Variants in STARD9 observed in about 807,000 individuals in gnomAD.
STARD9 encodes the protein stAR-related lipid transfer protein 9.
In STARD9, 346 loss-of-function variants were observed where a neutral mutation model predicts 399.8. That is an observed-to-expected ratio of 0.87 (90% confidence interval 0.79 to 0.95). The LOEUF (loss-of-function observed/expected upper bound fraction) is 0.95. Among genes scored for constraint, STARD9 ranks in the 40% least tolerant of loss-of-function variants. The probability of loss-of-function intolerance (pLI) is 0.00; values close to 1 mark genes in which losing one functional copy is unlikely to be tolerated. For synonymous variants in STARD9, 2,203 were observed against 2,143.5 expected, an observed-to-expected ratio of 1.03 and a Z score of -0.77; for missense variants, 5,832 against 5,667.5, an observed-to-expected ratio of 1.03 and a Z score of -0.93.
At chr15:42,718,704 T>C (rs1267886377) in intron 31 of STARD9, 48 bp from the exon 32 acceptor site, 1 of 1,527,676 alleles carries the variant, frequency 6.5e-7, no homozygotes, top group African/African-American at 1.4e-5. Context: ...CCTGTTCCTG[T>C]TTTGTCCACA....
chr15:42,662,698 C>G (rs922447318), intron 10 of STARD9, 96 bp from the exon 11 acceptor site: 1 of 728,702 alleles, frequency 1.4e-6, no homozygotes, highest in African/African-American at 1.8e-5. Context: ...TCCTTTACAG[C>G]ATGATATACA....
chr15:42,584,276 T>A (rs1440621355), intron 2 of STARD9, among the ~76,000 whole-genome samples: 1 of 152,174 alleles, frequency 6.6e-6, no homozygotes, highest in Non-Finnish European at 1.5e-5. Flanking sequence ...CCTCTTGTCA[T>A]TAGTTCTCTG....
intron 3 of STARD9, among the ~76,000 whole-genome samples, chr15:42,630,400 C>CT (rs1287101190): frequency 1.3e-5 from 2 of 151,984 alleles, no homozygotes; most frequent in Admixed American, 6.6e-5. Flanking sequence ...CTGTAATTTT[C>CT]TTTTTTTGAT....
In STARD9 at chr15:42,693,724, C is replaced by G. The variant is rs1307966621; in HGVS notation, c.12146C>G (p.Pro4049Arg). Reference protein sequence around the residue: ...PEHCPLSGREPSQWQSRTENG... With the variant: ...PEHCPLSGRERSQWQSRTENG... ...CATTGCCCACTGAGCGGTAGGGAGCCAAGTCAGTGGCAGAGCAGGACAGAA... is the reference window on the plus strand; with the variant it reads ...CATTGCCCACTGAGCGGTAGGGAGCGAAGTCAGTGGCAGAGCAGGACAGAA... The change falls in exon 23 of 33, where the codon CCA becomes CGA. Residue 4049 changes from proline to arginine, a missense_variant. This residue lies in a region of STARD9 where 5,828 missense variants were observed against 5,651.1 expected (regional missense o/e 1.03). Transcript: ENST00000290607. 5 of 1,536,942 alleles carry G rather than the reference C, an allele frequency of 3.3e-6. No individual in the cohort carries two copies. In the East Asian group the frequency reaches 1.2e-4, roughly 38 times the overall value.
rs375759800 is a variant in STARD9, at chr15:42,618,722, G to A, written c.235-16134G>A. 1.3e-4 allele frequency among the ~76,000 whole-genome samples: 19 copies of A among 151,824 alleles called. No individual in the cohort carries two copies. The East Asian group carries it at 2.5e-3, about 20-fold the overall frequency. On this transcript the variant is annotated intron_variant, in intron 3 of 32. Transcript: ENST00000290607. The stretch of plus-strand genomic sequence containing the variant: ...AGCGATTCTCCTGCCGCAGCCTCCC[G>A]AGTAGCTGGGACTACAGGAGTGCAC...
chr15:42,651,322 G>T (rs2059758447), intron 8 of STARD9, among the ~76,000 whole-genome samples: 1 of 152,134 alleles, frequency 6.6e-6, no homozygotes, highest in Non-Finnish European at 1.5e-5. Flanking sequence ...ATAATATTAG[G>T]CAGTAAGCCC....
At position 42,693,257 on chromosome 15, in the gene STARD9, C is replaced by T. The variant is rs773610277; in HGVS notation, c.11679C>T (p.Phe3893=). 2.1e-5 allele frequency: 33 copies of T among 1,537,014 alleles called. 1 individual carries two copies. The highest frequency in any genetic ancestry group is 4.9e-5 in the East Asian group (2 of 40,904). The part of the protein sequence containing the change: ...QKKLGPTSAL[F]VDRASSPILT... ...AGCTGGGCCCCACAAGTGCTTTGTT[C>T]GTGGACAGGGCCTCCTCCCCAATCC... is the stretch of plus-strand genomic sequence containing the variant. The change falls in exon 23 of 33, where the codon TTC becomes TTT. Residue 3893 remains phenylalanine, a synonymous_variant. Transcript: ENST00000290607.
intron 1 of STARD9, 82 bp downstream of exon 1, chr15:42,575,844 T>A: frequency 7.0e-7 from 1 of 1,429,466 alleles, no homozygotes; most frequent in Non-Finnish European, 9.5e-7. Context: ...CTGCAGAGAT[T>A]CTGGCGCGCA....
At position 42,687,353 on chromosome 15, in the gene STARD9, G is replaced by T. The variant is rs1362986619; in HGVS notation, c.5775G>T (p.Thr1925=). Reference sequence around the variant, plus strand: ...AGGAAGAAGAGCTGGATCAGAATACGGTTCTGAGGCAGACCATCAATGTAA... The same window carrying T: ...AGGAAGAAGAGCTGGATCAGAATACTGTTCTGAGGCAGACCATCAATGTAA... The part of the protein sequence containing the change: ...AREEEELDQN[T]VLRQTINVSL... Residue 1925 remains threonine, a synonymous_variant, in exon 23 of 33, where the codon ACG becomes ACT. Transcript: ENST00000290607. 1 of 1,536,726 alleles carries T rather than the reference G, an allele frequency of 6.5e-7. No individual in the cohort carries two copies. The highest frequency in any genetic ancestry group is 2.0e-5 in the Admixed American group (1 of 50,998).
At chr15:42,700,196 G>A (rs2060935833) in intron 26 of STARD9, among the ~76,000 whole-genome samples, 1 of 152,174 alleles carries the variant, frequency 6.6e-6, no homozygotes, top group Admixed American at 6.5e-5. Flanking sequence ...AAACATTTAG[G>A]TTGATTTCAT....
intron 26 of STARD9, among the ~76,000 whole-genome samples, chr15:42,705,650 A>G (rs1410821107): frequency 6.6e-6 from 1 of 151,954 alleles, no homozygotes; most frequent in Non-Finnish European, 1.5e-5. Flanking sequence ...AGTGTTGGCT[A>G]GGCTGGTCTC....
At chr15:42,715,032 T>C (rs998123582) in intron 26 of STARD9, among the ~76,000 whole-genome samples, 1 of 151,802 alleles carries the variant, frequency 6.6e-6, no homozygotes, top group African/African-American at 2.4e-5. Context: ...TAGGCCTGAA[T>C]TTTGAAAGAA....
intron 6 of STARD9, among the ~76,000 whole-genome samples, chr15:42,638,311 G>A (rs1215890224): frequency 6.6e-6 from 1 of 152,162 alleles, no homozygotes; most frequent in Non-Finnish European, 1.5e-5. Flanking sequence ...TTCCTTCTGT[G>A]GCCCAACTTA....
intron 3 of STARD9, among the ~76,000 whole-genome samples, chr15:42,627,008 C>T (rs936036361): frequency 6.6e-6 from 1 of 152,080 alleles, no homozygotes. Flanking sequence ...TCCCAAAGTG[C>T]TGGTATTACA....
In STARD9 at chr15:42,684,336, G is replaced by T; in HGVS notation, c.2758G>T (p.Ala920Ser). The T allele has an allele frequency of 2.6e-6, 4 of 1,536,300 alleles. No individual in the cohort carries two copies. The highest frequency in any genetic ancestry group is 1.2e-5 in the South Asian group (1 of 83,984). ...CAGGAAGGGAGCCTCAGCTCCAGAC[G>T]CTTGCCTCACCATGAGTCCCAACTC... is the stretch of plus-strand genomic sequence containing the variant. ...LARKGASAPD[A>S]CLTMSPNSVG... The change falls in exon 23 of 33, where the codon GCT becomes TCT. Residue 920 changes from alanine to serine, a missense_variant. This residue lies in a region of STARD9 where 5,828 missense variants were observed against 5,651.1 expected (regional missense o/e 1.03). Transcript: ENST00000290607.
chr15:42,718,715 C>T (rs1471259200), intron 31 of STARD9, 37 bp from the exon 32 acceptor site: 21 of 1,534,592 alleles, frequency 1.4e-5, no homozygotes, highest in Non-Finnish European at 1.8e-5. Context: ...TTTGTCCACA[C>T]TACACAGGCA....
chr15:42,658,523 C>T (rs567459833), intron 9 of STARD9, among the ~76,000 whole-genome samples: 3 of 148,378 alleles, frequency 2.0e-5, no homozygotes, highest in African/African-American at 7.5e-5. Context: ...TGCTCTGTCA[C>T]CCAGGCTGGA....
intron 3 of STARD9, among the ~76,000 whole-genome samples, chr15:42,626,336 TTCTTCC>T (rs541382405): frequency 3.4e-4 from 50 of 148,570 alleles, no homozygotes; most frequent in East Asian, 2.9e-3. Flanking sequence ...CCTCTTCCTC[TTCTTCC>T]TCTTCCTCTT....
Position 42,674,423 on chromosome 15 carries a change from C to A in STARD9, c.1498-17C>A, listed in dbSNP as rs1363498826. ...TCCCTTTTAATTCTCATTAAAATGG[C>A]TTTTTTCCCCCTTTAGGAAGGGACA... On this transcript the variant is annotated splice_polypyrimidine_tract_variant and intron_variant, in intron 16 of 32. Coordinates refer to ENST00000290607, the MANE Select transcript of STARD9 (RefSeq NM_020759.3). 1 of 1,520,474 alleles carries A rather than the reference C, an allele frequency of 6.6e-7. No homozygotes were observed. Among genetic ancestry groups the A allele is most frequent in the Non-Finnish European group, 8.8e-7 (1 of 1,134,694 alleles). 94.2% of individuals were successfully genotyped at this position (1,520,474 alleles called of 1,614,324 possible).
Sources: gnomAD v4.1 joint callset for allele counts (sites outside exome capture counted in the v4.1 genomes callset) on GRCh38, gnomAD v4.1.1 for gene constraint, gnomAD v4.1.1 regional missense constraint, MANE v1.5 for transcripts, NCBI Gene and HGNC (gene_info 2026-07-23, HGNC 2026-07-21) for gene names.